CEP63: variants seen among roughly 807,000 people sequenced by gnomAD.
The protein encoded by CEP63 is centrosomal protein 63.
CEP63 carries 84 observed loss-of-function variants against 89.1 expected under a neutral mutation model. That is an observed-to-expected ratio of 0.94 (90% confidence interval 0.79 to 1.13). CEP63 has a LOEUF of 1.13. CEP63 is among the 50% of genes most tolerant of loss of function. The pLI, the probability that CEP63 is intolerant of heterozygous loss-of-function variation, is 0.00. For missense variants in CEP63, 838 were observed against 813.3 expected (o/e 1.03, Z -0.37); for synonymous variants, 267 against 272.5 (o/e 0.98, Z 0.20).
chr3:134,781,161 A>G, the CEP63 span, among the ~76,000 whole-genome samples: 2 of 152,198 alleles, frequency 1.3e-5, no homozygotes, highest in African/African-American at 2.4e-5. Flanking sequence ...AAAGCCTTCC[A>G]TTCTGTTTGT....
At chr3:134,734,092 T>A in the CEP63 span, among the ~76,000 whole-genome samples, 1 of 152,242 alleles carries the variant, frequency 6.6e-6, no homozygotes, top group African/African-American at 2.4e-5. Flanking sequence ...TGTTTATACA[T>A]ACTCACTCTA....
At chr3:134,744,749 C>T in the CEP63 span, among the ~76,000 whole-genome samples, 1 of 152,122 alleles carries the variant, frequency 6.6e-6, no homozygotes, top group Non-Finnish European at 1.5e-5. Flanking sequence ...AACTCCTGGG[C>T]TCAAGCAATC....
chr3:134,544,419 A>G lies in CEP63; in HGVS notation c.556-1167A>G, dbSNP rs531628053. On this transcript the variant is annotated intron_variant, in intron 6 of 14. Coordinates refer to ENST00000675561, the MANE Select transcript of CEP63 (RefSeq NM_001353108.3). ...TATCATTCAGAGAAACCAGTTTGAG[A>G]TGCATTATATTTGTTTACCTCTTTT... Among the ~76,000 whole-genome samples the G allele has an allele frequency of 3.3e-5, 5 of 152,316 alleles. No homozygotes were observed. The East Asian group carries it at 9.7e-4, about 29-fold the overall frequency.
the CEP63 span, chr3:134,625,243 C>T: frequency 1.2e-6 from 1 of 834,272 alleles, no homozygotes; most frequent in South Asian, 1.5e-5. Flanking sequence ...ACCTTTAACA[C>T]AATTCTCAAA....
rs1196290392 is a variant in CEP63, at chr3:134,564,300, C to G, written c.*2765C>G. 1.0e-6 allele frequency: 1 copy of G among 985,228 alleles called. No individual in the cohort carries two copies. Among genetic ancestry groups the G allele is most frequent in the Non-Finnish European group, 1.2e-6 (1 of 829,906 alleles). The allele number at this position is 985,228 out of a possible 1,614,324, so 61.0% of individuals were successfully genotyped here. A position where few individuals can be genotyped will look rare whatever the true frequency, so the allele number is the denominator to read the frequency against. On this transcript the variant is annotated 3_prime_UTR_variant, in exon 15 of 15. Transcript: ENST00000675561. ...CGTTTCTTTTGTGTTGGTGTGCATGCTGTCCTTCAGTTTGTCTCCTCTTCC... is the reference window on the plus strand; with the variant it reads ...CGTTTCTTTTGTGTTGGTGTGCATGGTGTCCTTCAGTTTGTCTCCTCTTCC...
chr3:134,532,974 T>A, intron 5 of CEP63, 74 bp downstream of exon 5: 1 of 1,524,524 alleles, frequency 6.6e-7, no homozygotes, highest in South Asian at 1.1e-5. Context: ...CTAATGGCAC[T>A]ATTTTCTGGA....
chr3:134,545,589 C>T lies in CEP63; in HGVS notation c.559C>T (p.Gln187Ter), dbSNP rs773294596. 4 of 1,612,194 alleles carry T rather than the reference C, an allele frequency of 2.5e-6. No individual in the cohort carries two copies. The South Asian group carries it at 3.3e-5, about 13-fold the overall frequency. The change falls in exon 7 of 15, where the codon CAG becomes TAG. Residue 187 changes from glutamine to a stop codon, truncating the protein, a stop_gained. Transcript: ENST00000675561. LOFTEE classifies it high-confidence loss of function. ...GATTGATAGTCTGTGTTTCTAGGCT[C>T]AGCTTGTCAATCGGAAACAGAAATT... ...LAEQSEIIQAQLVNRKQKLES... is the reference protein window; with the variant it reads ...LAEQSEIIQA
At chr3:134,504,121 T>C (rs1322958617) in intron 2 of CEP63, among the ~76,000 whole-genome samples, 8 of 152,152 alleles carry the variant, frequency 5.3e-5, no homozygotes, top group Non-Finnish European at 1.0e-4. Context: ...CTCTTTTTTT[T>C]TTTTAGTGAT....
At chr3:134,666,974 C>A in the CEP63 span, among the ~76,000 whole-genome samples, 1 of 152,188 alleles carries the variant, frequency 6.6e-6, no homozygotes, top group Non-Finnish European at 1.5e-5. Flanking sequence ...CCAACATCCC[C>A]TGTCCCCTGT....
the CEP63 span, among the ~76,000 whole-genome samples, chr3:134,631,839 T>C: frequency 6.6e-6 from 1 of 152,096 alleles, no homozygotes; most frequent in Non-Finnish European, 1.5e-5. Flanking sequence ...AATGTATCAG[T>C]AATTACATTA....
the CEP63 span, among the ~76,000 whole-genome samples, chr3:134,726,817 C>A: frequency 1.3e-5 from 2 of 152,174 alleles, no homozygotes; most frequent in African/African-American, 4.8e-5. Flanking sequence ...CAGATTCCTG[C>A]GGCTCCTGTT....
chr3:134,757,448 C>T, the CEP63 span, among the ~76,000 whole-genome samples: 2 of 152,162 alleles, frequency 1.3e-5, no homozygotes, highest in Admixed American at 6.5e-5. Context: ...GAACTCTGGA[C>T]TCTCAGGACA....
At chr3:134,652,232 G>T in the CEP63 span, among the ~76,000 whole-genome samples, 1 of 152,126 alleles carries the variant, frequency 6.6e-6, no homozygotes. Context: ...TAAGGCGCCT[G>T]GTGTATAGAA....
chr3:134,492,820 A>G (rs1241810929), intron 1 of CEP63, among the ~76,000 whole-genome samples: 2 of 152,122 alleles, frequency 1.3e-5, no homozygotes, highest in African/African-American at 4.8e-5. Flanking sequence ...TTGTGACTCA[A>G]TTGATTGCCA....
intron 6 of CEP63, among the ~76,000 whole-genome samples, chr3:134,539,752 C>T (rs1006502817): frequency 2.0e-5 from 3 of 151,918 alleles, no homozygotes; most frequent in Non-Finnish European, 2.9e-5. Context: ...AAGTATAATT[C>T]GGAAACAACT....
At chr3:134,749,930 C>T in the CEP63 span, among the ~76,000 whole-genome samples, 11 of 152,034 alleles carry the variant, frequency 7.2e-5, no homozygotes, top group African/African-American at 9.7e-5. Flanking sequence ...TGGGTGTGAG[C>T]GCCCAGGGTT....
At chr3:134,640,553 C>A in the CEP63 span, among the ~76,000 whole-genome samples, 227 of 152,254 alleles carry the variant, frequency 1.5e-3, 1 homozygote, top group African/African-American at 5.1e-3. Flanking sequence ...AAGAAGGCTT[C>A]TCTGGGGGCC....
At chr3:134,619,384 G>A in the CEP63 span, 1 of 738,908 alleles carries the variant, frequency 1.4e-6, no homozygotes, top group Non-Finnish European at 2.5e-6. Context: ...TGGGCTGAAT[G>A]GAACTACAGC....
chr3:134,677,944 T>G, the CEP63 span, among the ~76,000 whole-genome samples: 1 of 151,850 alleles, frequency 6.6e-6, no homozygotes, highest in Non-Finnish European at 1.5e-5. Flanking sequence ...CCAGTCTGCT[T>G]GCTGGTCTCT....
Sources: allele counts gnomAD v4.1 joint callset (sites outside exome capture counted in the v4.1 genomes callset), GRCh38; gene constraint gnomAD v4.1.1; transcripts MANE v1.5; gene names NCBI Gene and HGNC (gene_info 2026-07-23, HGNC 2026-07-21).